Variants in MAP7 observed in about 807,000 individuals in gnomAD.
The protein encoded by MAP7 is ensconsin.
MAP7 carries 52 observed loss-of-function variants against 94.8 expected under a neutral mutation model. The ratio of observed to expected loss-of-function variants is 0.55; its 90% CI spans 0.44 to 0.69. The LOEUF is 0.69. MAP7 is among the 30% of genes least tolerant of loss of function. The pLI, the probability that MAP7 is intolerant of heterozygous loss-of-function variation, is 0.00. For synonymous variants in MAP7, 350 were observed against 357.0 expected, an observed-to-expected ratio of 0.98 and a Z score of 0.22; for missense variants, 940 against 964.6, an observed-to-expected ratio of 0.97 and a Z score of 0.34.
At chr6:136,359,096 A>C (rs1791793430) in intron 15 of MAP7, among the ~76,000 whole-genome samples, 1 of 151,594 alleles carries the variant, frequency 6.6e-6, no homozygotes, top group Non-Finnish European at 1.5e-5. Flanking sequence ...CTTAATATTA[A>C]TTTAATCTGA....
intron 15 of MAP7, among the ~76,000 whole-genome samples, chr6:136,359,505 ATTC>A (rs993351831): frequency 3.9e-4 from 60 of 152,324 alleles, no homozygotes; most frequent in African/African-American, 8.2e-4. Flanking sequence ...CTCAAAAGAA[ATTC>A]TTCTAAAAGT....
intron 16 of MAP7, among the ~76,000 whole-genome samples, chr6:136,351,808 C>T (rs909588172): frequency 6.6e-6 from 1 of 152,208 alleles, no homozygotes; most frequent in African/African-American, 2.4e-5. Context: ...TCCTTTGCCA[C>T]TGCTGGAGAG....
At chr6:136,502,802 T>C (rs931749183) in intron 1 of MAP7, among the ~76,000 whole-genome samples, 2 of 152,180 alleles carry the variant, frequency 1.3e-5, no homozygotes, top group African/African-American at 2.4e-5. Flanking sequence ...ATAATTGATA[T>C]GAATAGAGTG....
intron 1 of MAP7, among the ~76,000 whole-genome samples, chr6:136,432,768 C>T (rs961223926): frequency 1.3e-5 from 2 of 151,940 alleles, no homozygotes; most frequent in African/African-American, 2.4e-5. Context: ...GTAAATTTAT[C>T]TATTGATTTA....
intron 15 of MAP7, among the ~76,000 whole-genome samples, chr6:136,359,581 A>T (rs1791941500): frequency 6.6e-6 from 1 of 152,174 alleles, no homozygotes; most frequent in Non-Finnish European, 1.5e-5. Flanking sequence ...ATTACATAAG[A>T]TGATTTAAAA....
chr6:136,365,229 A>G (rs1362081547), intron 10 of MAP7: 2 of 152,652 alleles, frequency 1.3e-5, no homozygotes. Flanking sequence ...GGAAGCAAAC[A>G]CTGGACTCCT....
intron 1 of MAP7, among the ~76,000 whole-genome samples, chr6:136,459,232 C>A (rs1316578532): frequency 6.6e-6 from 1 of 152,016 alleles, no homozygotes; most frequent in African/African-American, 2.4e-5. Context: ...TAGCTATTAT[C>A]AAACAACAAC....
intron 1 of MAP7, among the ~76,000 whole-genome samples, chr6:136,473,579 A>G (rs1809805533): frequency 6.6e-6 from 1 of 152,202 alleles, no homozygotes; most frequent in Admixed American, 6.5e-5. Context: ...GCCTTTATTA[A>G]TGGCTGTATA....
At chr6:136,444,712 C>A (rs974870830) in intron 1 of MAP7, among the ~76,000 whole-genome samples, 2 of 152,148 alleles carry the variant, frequency 1.3e-5, no homozygotes, top group Non-Finnish European at 2.9e-5. Context: ...TACGGTCCTA[C>A]CATATGAACT....
At chr6:136,455,294 A>T (rs1802553086) in intron 1 of MAP7, among the ~76,000 whole-genome samples, 1 of 152,200 alleles carries the variant, frequency 6.6e-6, no homozygotes, top group Non-Finnish European at 1.5e-5. Context: ...TAGAATAATT[A>T]TAAATATATA....
At chr6:136,455,244 A>C (rs575871966) in intron 1 of MAP7, among the ~76,000 whole-genome samples, 2 of 152,244 alleles carry the variant, frequency 1.3e-5, no homozygotes, top group African/African-American at 4.8e-5. Context: ...TGTTATAAAG[A>C]ATATTATATA....
intron 1 of MAP7, among the ~76,000 whole-genome samples, chr6:136,424,545 G>T (rs1272322858): frequency 6.6e-6 from 1 of 152,134 alleles, no homozygotes; most frequent in Non-Finnish European, 1.5e-5. Flanking sequence ...AAATATAGAG[G>T]CATCAGACAT....
At chr6:136,503,409 AG>A (rs1465051061) in intron 1 of MAP7, among the ~76,000 whole-genome samples, 2 of 98,566 alleles carry the variant, frequency 2.0e-5, no homozygotes, top group East Asian at 6.2e-4. Context: ...GGAAAAAAAA[AG>A]GGGGGTGGGG....
At chr6:136,501,104 T>C (rs1176771841) in intron 1 of MAP7, among the ~76,000 whole-genome samples, 1 of 152,184 alleles carries the variant, frequency 6.6e-6, no homozygotes, top group Non-Finnish European at 1.5e-5. Flanking sequence ...AAGAATAATA[T>C]TATTTCCAAA....
chr6:136,528,213 A>C (rs1828166532), intron 1 of MAP7, among the ~76,000 whole-genome samples: 1 of 152,210 alleles, frequency 6.6e-6, no homozygotes, highest in Non-Finnish European at 1.5e-5. Flanking sequence ...AGAATCCTAG[A>C]TCGATCTCCA....
chr6:136,423,987 G>T (rs1340466925), intron 1 of MAP7, among the ~76,000 whole-genome samples: 2 of 151,850 alleles, frequency 1.3e-5, no homozygotes, highest in Middle Eastern at 3.4e-3. Context: ...TAATAGAGAC[G>T]GGGTTTCTCC....
At chr6:136,429,720 G>C (rs1794335172) in intron 1 of MAP7, among the ~76,000 whole-genome samples, 2 of 152,134 alleles carry the variant, frequency 1.3e-5, no homozygotes, top group Admixed American at 6.5e-5. Flanking sequence ...GCGCTGACAG[G>C]AATAAACATT....
intron 1 of MAP7, among the ~76,000 whole-genome samples, chr6:136,432,004 T>G (rs1160495832): frequency 1.3e-5 from 2 of 152,144 alleles, no homozygotes; most frequent in Non-Finnish European, 2.9e-5. Context: ...ATGTGATGCT[T>G]AAGGCAGAGC....
intron 1 of MAP7, among the ~76,000 whole-genome samples, chr6:136,424,928 A>G (rs560458917): frequency 1.3e-5 from 2 of 152,364 alleles, no homozygotes; most frequent in East Asian, 3.9e-4. Context: ...TGAAACAGCA[A>G]AAGCTTAAAC....
Sources: gnomAD v4.1 joint callset for allele counts (sites outside exome capture counted in the v4.1 genomes callset) on GRCh38, gnomAD v4.1.1 for gene constraint, MANE v1.5 for transcripts, NCBI Gene and HGNC (gene_info 2026-07-23, HGNC 2026-07-21) for gene names.